Variants in LRBA observed in about 807,000 individuals in gnomAD.
The protein encoded by LRBA is LPS responsive beige-like anchor protein.
LRBA carries 176 observed loss-of-function variants against 330.0 expected under a neutral mutation model. The observed-to-expected ratio is 0.53, with a 90% CI of 0.47 to 0.60. The LOEUF (loss-of-function observed/expected upper bound fraction) is 0.60. Ranked by LOEUF, LRBA falls within the 20% of genes least tolerant of loss-of-function variation. The pLI is 0.00. For synonymous variants in LRBA, 1,230 were observed against 1,193.0 expected, an observed-to-expected ratio of 1.03 and a Z score of -0.64; for missense variants, 3,259 against 3,444.8, an observed-to-expected ratio of 0.95 and a Z score of 1.35.
intron 5 of LRBA, among the ~76,000 whole-genome samples, chr4:150,917,069 C>A (rs1453257044): frequency 1.3e-5 from 2 of 151,840 alleles, no homozygotes; most frequent in Non-Finnish European, 2.9e-5. Flanking sequence ...AGGAGAACGG[C>A]GTGAACCCAG....
At chr4:150,665,854 G>T (rs912147788) in intron 37 of LRBA, among the ~76,000 whole-genome samples, 1 of 152,102 alleles carries the variant, frequency 6.6e-6, no homozygotes. Context: ...AAACATCTAA[G>T]AACTATATGA....
intron 22 of LRBA, among the ~76,000 whole-genome samples, chr4:150,863,709 C>G (rs148814597): frequency 6.6e-6 from 1 of 152,228 alleles, no homozygotes; most frequent in African/African-American, 2.4e-5. Context: ...CACACCCTGT[C>G]TCCAAAGTCC....
At position 150,983,814 on chromosome 4, in the gene LRBA, G is replaced by A. The variant is rs151183158; in HGVS notation, c.216+30613C>T. Among the ~76,000 whole-genome samples the A allele has an allele frequency of 3.3e-5, 5 of 151,728 alleles. No individual in the cohort carries two copies. In the East Asian group the frequency reaches 9.7e-4, roughly 29 times the overall value. Reference sequence around the variant, plus strand: ...ACAATGGCTGATAAGGTAAGAATTAGAGACCAGTTACCATCTGAACTCTCA... The same window carrying A: ...ACAATGGCTGATAAGGTAAGAATTAAAGACCAGTTACCATCTGAACTCTCA... On this transcript the variant is annotated intron_variant, in intron 2 of 56. Transcript: ENST00000651943.
intron 37 of LRBA, among the ~76,000 whole-genome samples, chr4:150,665,646 T>G (rs1781496061): frequency 6.6e-6 from 1 of 152,226 alleles, no homozygotes; most frequent in Non-Finnish European, 1.5e-5. Context: ...TCAATCACAT[T>G]TGCACATAGC....
intron 52 of LRBA, among the ~76,000 whole-genome samples, chr4:150,305,690 A>G (rs1405287280): frequency 6.6e-6 from 1 of 152,242 alleles, no homozygotes; most frequent in Non-Finnish European, 1.5e-5. Context: ...AGAGAGTGAC[A>G]TTTAAGCAGT....
intron 36 of LRBA, among the ~76,000 whole-genome samples, chr4:150,700,146 G>A (rs370387631): frequency 1.3e-5 from 2 of 152,122 alleles, no homozygotes; most frequent in South Asian, 2.1e-4. Flanking sequence ...ATACTCAACC[G>A]GCATTTTATC....
chr4:150,570,288 T>C (rs1769675898), intron 40 of LRBA, among the ~76,000 whole-genome samples: 1 of 152,150 alleles, frequency 6.6e-6, no homozygotes, highest in South Asian at 2.1e-4. Context: ...TCACTATTTT[T>C]GCATCTCACT....
At chr4:150,415,295 C>T (rs1747575217) in intron 47 of LRBA, 143 bp downstream of exon 47, 1 of 566,870 alleles carries the variant, frequency 1.8e-6, no homozygotes, top group Non-Finnish European at 3.0e-6. Flanking sequence ...TACAAGGATT[C>T]TTGAGCTATT....
At chr4:150,351,621 G>A (rs1737184941) in intron 47 of LRBA, among the ~76,000 whole-genome samples, 2 of 152,062 alleles carry the variant, frequency 1.3e-5, no homozygotes, top group South Asian at 4.2e-4. Flanking sequence ...CCCAGGAGGT[G>A]GAGCTTGCAG....
At chr4:150,435,810 C>A in intron 45 of LRBA, 102 bp from the exon 46 acceptor site, 10 of 723,800 alleles carry the variant, frequency 1.4e-5, no homozygotes, top group Non-Finnish European at 2.2e-5. Flanking sequence ...AATAGGCATT[C>A]ACTAGTAATA....
intron 5 of LRBA, among the ~76,000 whole-genome samples, chr4:150,919,787 C>T (rs1034581948): frequency 1.8e-4 from 27 of 152,184 alleles, no homozygotes; most frequent in African/African-American, 6.5e-4. Flanking sequence ...GAAAGGAAGT[C>T]ACTAAACATA....
chr4:150,489,473 T>TATATATAAGAATATATA (rs1758544095), intron 41 of LRBA, among the ~76,000 whole-genome samples: 2 of 45,196 alleles, frequency 4.4e-5, no homozygotes, highest in Non-Finnish European at 1.1e-4. Context: ...TAAAATATAT[T>TATATATAAGAATATATA]ATATATAAGA....
chr4:150,280,487 G>T (rs909561687), intron 55 of LRBA, among the ~76,000 whole-genome samples: 1 of 152,180 alleles, frequency 6.6e-6, no homozygotes, highest in East Asian at 1.9e-4. Context: ...CTCTGTACAG[G>T]CTGCCTCCTT....
chr4:150,326,829 G>C (rs551602871), intron 48 of LRBA, among the ~76,000 whole-genome samples: 1 of 152,244 alleles, frequency 6.6e-6, no homozygotes, highest in East Asian at 1.9e-4. Flanking sequence ...CGACACTCCC[G>C]TAACAGTCAG....
At chr4:150,716,504 C>T (rs141654539) in intron 36 of LRBA, among the ~76,000 whole-genome samples, 32 of 152,248 alleles carry the variant, frequency 2.1e-4, no homozygotes, top group Admixed American at 5.9e-4. Flanking sequence ...CAAAATCCAA[C>T]GAAGATAAAC....
At chr4:150,582,702 C>G (rs1258099426) in intron 40 of LRBA, 1 of 241,368 alleles carries the variant, frequency 4.1e-6, no homozygotes, top group African/African-American at 2.2e-5. Flanking sequence ...TCCTTCCTCA[C>G]GCCCACCCCG....
At position 150,681,914 on chromosome 4, in the gene LRBA, A is replaced by G. The variant is rs116593501; in HGVS notation, c.5921+1637T>C. ...TTCATGGTCCATTTAGCTCTCCAAGATATTTTATTACACCAAAATCACTTC... is the reference window on the plus strand; with the variant it reads ...TTCATGGTCCATTTAGCTCTCCAAGGTATTTTATTACACCAAAATCACTTC... On this transcript the variant is annotated intron_variant, in intron 37 of 56. Coordinates refer to ENST00000651943, the MANE Select transcript of LRBA (RefSeq NM_001364905.1). Among the ~76,000 whole-genome samples, 975 of 152,246 alleles carry G rather than the reference A, an allele frequency of 6.4e-3. 13 individuals carry two copies. Among genetic ancestry groups the G allele is most frequent in the African/African-American group, 0.022 (922 of 41,564 alleles).
chr4:150,614,505 TA>T (rs755710719), intron 37 of LRBA, among the ~76,000 whole-genome samples: 4 of 152,204 alleles, frequency 2.6e-5, no homozygotes, highest in Non-Finnish European at 5.9e-5. Context: ...GAAACTTGCC[TA>T]AAATTGTCTA....
intron 34 of LRBA, among the ~76,000 whole-genome samples, chr4:150,778,226 G>C (rs973430656): frequency 1.1e-4 from 16 of 152,114 alleles, no homozygotes; most frequent in Admixed American, 6.5e-4. Flanking sequence ...ATAGAATACT[G>C]CCCTTCGGAA....
Sources: gnomAD v4.1 joint callset for allele counts (sites outside exome capture counted in the v4.1 genomes callset) on GRCh38, gnomAD v4.1.1 for gene constraint, MANE v1.5 for transcripts, NCBI Gene and HGNC (gene_info 2026-07-23, HGNC 2026-07-21) for gene names.